Variants in MPPED2 observed in about 807,000 individuals in gnomAD.
MPPED2 encodes metallophosphoesterase domain containing 2.
A neutral mutation model predicts 33.0 loss-of-function variants in MPPED2; 5 were observed. The observed-to-expected ratio is 0.15, with a 90% CI of 0.08 to 0.32. The LOEUF is 0.32. Ranked by LOEUF, MPPED2 falls within the 10% of genes least tolerant of loss-of-function variation. The probability of loss-of-function intolerance (pLI) is 1.00; values close to 1 mark genes in which losing one functional copy is unlikely to be tolerated. For missense variants in MPPED2, 275 were observed against 372.1 expected, an observed-to-expected ratio of 0.74 and a Z score of 2.15; for synonymous variants, 136 against 141.9, an observed-to-expected ratio of 0.96 and a Z score of 0.29.
intron 4 of MPPED2, among the ~76,000 whole-genome samples, chr11:30,463,847 A>ATT (rs199641526): frequency 8.5e-6 from 1 of 117,764 alleles, no homozygotes; most frequent in Non-Finnish European, 1.7e-5. Flanking sequence ...CTAAACTGTT[A>ATT]TTTTATATAT....
chr11:30,499,057 C>T (rs1952432501), intron 3 of MPPED2, among the ~76,000 whole-genome samples: 1 of 152,168 alleles, frequency 6.6e-6, no homozygotes, highest in Non-Finnish European at 1.5e-5. Context: ...GTTCTAAGTG[C>T]CCCACACTCC....
In MPPED2 at chr11:30,557,330, G is replaced by A. The variant is rs189826075; in HGVS notation, c.129-21155C>T. 6.0e-4 allele frequency among the ~76,000 whole-genome samples: 90 copies of A among 151,188 alleles called. No individual in the cohort carries two copies. The Middle Eastern group carries it at 0.01, about 17-fold the overall frequency. On this transcript the variant is annotated intron_variant, in intron 2 of 6. Coordinates refer to ENST00000358117, the MANE Select transcript of MPPED2 (RefSeq NM_001584.3). ...CTTAACTGGAGATATCAATTAAAAC[G>A]CTTTGTTGGAGAAAATGTATCATTT...
intron 4 of MPPED2, among the ~76,000 whole-genome samples, chr11:30,492,236 C>T (rs1200906917): frequency 6.6e-6 from 1 of 152,206 alleles, no homozygotes; most frequent in African/African-American, 2.4e-5. Flanking sequence ...GCTGCAAGAT[C>T]TGCCTGAGGA....
intron 4 of MPPED2, among the ~76,000 whole-genome samples, chr11:30,485,143 A>C (rs1047044647): frequency 7.2e-5 from 11 of 152,214 alleles, no homozygotes; most frequent in African/African-American, 2.7e-4. Context: ...AAGAACATAA[A>C]GGCTTTGGAA....
intron 3 of MPPED2, among the ~76,000 whole-genome samples, chr11:30,519,466 G>T (rs1202393276): frequency 1.3e-5 from 2 of 151,912 alleles, no homozygotes; most frequent in Non-Finnish European, 2.9e-5. Flanking sequence ...GGTGGTGGTA[G>T]TGGTAGTAAT....
At chr11:30,508,335 T>A (rs1319290967) in intron 3 of MPPED2, among the ~76,000 whole-genome samples, 2 of 152,204 alleles carry the variant, frequency 1.3e-5, no homozygotes, top group African/African-American at 4.8e-5. Context: ...GGTAAATGCA[T>A]ACTACATTTG....
intron 2 of MPPED2, among the ~76,000 whole-genome samples, chr11:30,559,441 T>TA (rs2134701943): frequency 6.6e-6 from 1 of 152,282 alleles, no homozygotes; most frequent in Non-Finnish European, 1.5e-5. Context: ...ATCACATGAG[T>TA]ATTTTGCTTT....
At chr11:30,410,214 A>T (rs1948052995), downstream of MPPED2, 1 of 985,688 alleles carries the variant, frequency 1.0e-6, no homozygotes, top group Non-Finnish European at 1.2e-6. Context: ...AACCCTCTAA[A>T]CAGCACGAAT....
At position 30,472,966 on chromosome 11, in the gene MPPED2, T is replaced by C. The variant is rs1364106795; in HGVS notation, c.536+22330A>G. 2.0e-5 allele frequency among the ~76,000 whole-genome samples: 3 copies of C among 152,240 alleles called. No homozygotes were observed. The East Asian group carries it at 5.8e-4, about 29-fold the overall frequency. The stretch of plus-strand genomic sequence containing the variant: ...ATATCAAAGTGCATATTATGTACAA[T>C]GGATAAACATCCTCTATGAAATTTT... On this transcript the variant is annotated intron_variant, in intron 4 of 6. Transcript: ENST00000358117.
intron 4 of MPPED2, among the ~76,000 whole-genome samples, chr11:30,447,257 G>A (rs1031758513): frequency 5.9e-5 from 9 of 152,148 alleles, no homozygotes; most frequent in South Asian, 2.1e-4. Context: ...ATACAAGTTC[G>A]TAACTTCCGA....
In MPPED2 at chr11:30,423,406, T is replaced by C. The variant is rs555749676; in HGVS notation, c.537-5773A>G. Among the ~76,000 whole-genome samples, 2 of 152,302 alleles carry C rather than the reference T, an allele frequency of 1.3e-5. 1 individual carries two copies. Among genetic ancestry groups the C allele is most frequent in the South Asian group, 4.2e-4 (2 of 4,816 alleles). The stretch of plus-strand genomic sequence containing the variant: ...TCTTCTGGGCACCTTCTGCAGGGAT[T>C]ACAGCTTGGAAGCCTTGGGGCAGCT... On this transcript the variant is annotated intron_variant, in intron 4 of 6. Transcript: ENST00000358117.
At chr11:30,546,123 A>G (rs1180767175) in intron 2 of MPPED2, among the ~76,000 whole-genome samples, 8 of 152,210 alleles carry the variant, frequency 5.3e-5, no homozygotes, top group Admixed American at 5.2e-4. Context: ...CCCGGCCACA[A>G]CTGATTCTTA....
At chr11:30,505,366 C>A (rs187433281) in intron 3 of MPPED2, among the ~76,000 whole-genome samples, 1 of 152,260 alleles carries the variant, frequency 6.6e-6, no homozygotes, top group African/African-American at 2.4e-5. Flanking sequence ...AAATGAATGA[C>A]ACTATCCTCC....
intron 4 of MPPED2, among the ~76,000 whole-genome samples, chr11:30,472,353 C>T (rs1206530522): frequency 2.0e-5 from 3 of 148,688 alleles, no homozygotes; most frequent in Admixed American, 6.6e-5. Flanking sequence ...AGAACAAGGG[C>T]CTGTCTCGAA....
In MPPED2 at chr11:30,580,337, T is replaced by C. The variant is rs199877966; in HGVS notation, c.37A>G (p.Ile13Val). 9.3e-6 allele frequency: 15 copies of C among 1,614,010 alleles called. No homozygotes were observed. The highest frequency in any genetic ancestry group is 2.2e-5 in the East Asian group (1 of 44,886). Reference sequence around the variant, plus strand: ...TTTGAGCTGTACTCATCCACCGTTATGGTAACTTTGCCTTGAGAAGGAATC... The same window carrying C: ...TTTGAGCTGTACTCATCCACCGTTACGGTAACTTTGCCTTGAGAAGGAATC... ...HGIPSQGKVT[I>V]TVDEYSSNPT... The change falls in exon 2 of 7, where the codon ATA becomes GTA. Residue 13 changes from isoleucine to valine, a missense_variant. Ile to Val is a conservative substitution (Grantham distance 29). Coordinates refer to ENST00000358117, the MANE Select transcript of MPPED2 (RefSeq NM_001584.3).
chr11:30,410,445 G>A lies in MPPED2; in HGVS notation c.*1023C>T. 1 of 970,748 alleles carries A rather than the reference G, an allele frequency of 1.0e-6. No individual in the cohort carries two copies. Among genetic ancestry groups the A allele is most frequent in the Non-Finnish European group, 1.2e-6 (1 of 820,148 alleles). 60.1% of individuals were successfully genotyped at this position (970,748 alleles called of 1,614,324 possible). A position where few individuals can be genotyped will look rare whatever the true frequency, so the allele number is the denominator to read the frequency against. On this transcript the variant is annotated 3_prime_UTR_variant, in exon 7 of 7. Coordinates refer to ENST00000358117, the MANE Select transcript of MPPED2 (RefSeq NM_001584.3). ...ACACACAGTGCAAAATGGGAGAGGG[G>A]AGAGGAAGTAAGAAGACAACTTGGG...
At chr11:30,389,701 A>G (rs1947747061) in intron 6 of MPPED2, among the ~76,000 whole-genome samples, 1 of 152,184 alleles carries the variant, frequency 6.6e-6, no homozygotes, top group African/African-American at 2.4e-5. Context: ...TTACTTTTCT[A>G]TTGTCACTCT....
chr11:30,496,389 G>A (rs970506806), intron 3 of MPPED2, among the ~76,000 whole-genome samples: 2 of 152,044 alleles, frequency 1.3e-5, no homozygotes, highest in Admixed American at 6.6e-5. Flanking sequence ...AGATAGTGCC[G>A]GGCAGCTGTC....
At chr11:30,386,847 G>A (rs994173811) in exon 7 of MPPED2, 3 of 398,292 alleles carry the variant, frequency 7.5e-6, no homozygotes, top group African/African-American at 6.2e-5. Flanking sequence ...AATAGCAAAA[G>A]CAATAGTAGT....
Sources: allele counts gnomAD v4.1 joint callset (sites outside exome capture counted in the v4.1 genomes callset), GRCh38; gene constraint gnomAD v4.1.1; transcripts MANE v1.5; gene names NCBI Gene and HGNC (gene_info 2026-07-23, HGNC 2026-07-21).